CPS1: variants seen among roughly 807,000 people sequenced by gnomAD.
CPS1 encodes the protein carbamoyl-phosphate synthase [ammonia], mitochondrial.
Under a neutral mutation model 174.6 loss-of-function variants are expected in CPS1, and 109 were observed. The observed-to-expected ratio is 0.62, with a 90% CI of 0.53 to 0.73. CPS1 has a LOEUF of 0.73. CPS1 is among the 30% of genes least tolerant of loss of function. The pLI is 0.00. For synonymous variants in CPS1, 637 were observed against 632.0 expected (o/e 1.01, Z -0.12); for missense variants, 1,689 against 1,821.9 (o/e 0.93, Z 1.33).
At chr2:210,480,398 T>A (rs528531631) in intron 1 of CPS1, among the ~76,000 whole-genome samples, 7 of 152,214 alleles carry the variant, frequency 4.6e-5, no homozygotes, top group Non-Finnish European at 7.3e-5. Context: ...AGACTGACTT[T>A]GGTGGACAGT....
rs1337866726 is a variant in CPS1 at position 210,606,805 on chromosome 2, A to G, written c.2056A>G (p.Asn686Asp). The G allele has an allele frequency of 6.2e-7, 1 of 1,612,492 alleles. No individual in the cohort carries two copies. Among genetic ancestry groups the G allele is most frequent in the Non-Finnish European group, 8.5e-7 (1 of 1,179,128 alleles). Residue 686 changes from asparagine to aspartate, a missense_variant, in exon 18 of 38, where the codon AAT becomes GAT. Transcript: ENST00000233072. Reference sequence around the variant, plus strand: ...TCAGATGTTGAGACGTACTTCAATCAATGTTGTTCGCCACTTGGGCATTGT... The same window carrying G: ...TCAGATGTTGAGACGTACTTCAATCGATGTTGTTCGCCACTTGGGCATTGT... ...EFQMLRRTSINVVRHLGIVGE... is the reference protein window; with the variant it reads ...EFQMLRRTSIDVVRHLGIVGE...
At chr2:210,573,671 G>A (rs184895400) in intron 2 of CPS1, among the ~76,000 whole-genome samples, 4 of 152,100 alleles carry the variant, frequency 2.6e-5, no homozygotes, top group African/African-American at 7.2e-5. Flanking sequence ...TAGAAACTTA[G>A]GTTGTGAGGA....
intron 1 of CPS1, among the ~76,000 whole-genome samples, chr2:210,533,547 C>T (rs534442879): frequency 6.6e-6 from 1 of 152,216 alleles, no homozygotes; most frequent in East Asian, 1.9e-4. Context: ...AAGTCAGGCT[C>T]TCGAGTCTGT....
chr2:210,514,013 G>C (rs1233205229), intron 1 of CPS1, among the ~76,000 whole-genome samples: 1 of 151,822 alleles, frequency 6.6e-6, no homozygotes, highest in Non-Finnish European at 1.5e-5. Context: ...CACTGTTTCT[G>C]GGCTCTCTAT....
Position 210,641,803 on chromosome 2 carries a change from A to T in CPS1, c.2960-681A>T, listed in dbSNP as rs546735076. On this transcript the variant is annotated intron_variant, in intron 24 of 37. Transcript: ENST00000233072. ...GTGTTTTCACAAGAATTTTTAGAAG[A>T]CAATATCTTAATGCAAAGAATTAGT... is the stretch of plus-strand genomic sequence containing the variant. 2.6e-5 allele frequency among the ~76,000 whole-genome samples: 4 copies of T among 152,358 alleles called. No homozygotes were observed. The East Asian group carries it at 7.7e-4, about 29-fold the overall frequency.
intron 1 of CPS1, among the ~76,000 whole-genome samples, chr2:210,568,971 C>T (rs921842138): frequency 1.3e-5 from 2 of 151,474 alleles, no homozygotes; most frequent in African/African-American, 2.4e-5. Flanking sequence ...TTTTTTTCTA[C>T]TATAACTTTT....
chr2:210,598,029 C>A (rs1334959567), intron 13 of CPS1, among the ~76,000 whole-genome samples: 1 of 151,772 alleles, frequency 6.6e-6, no homozygotes, highest in African/African-American at 2.4e-5. Context: ...GCACATTATT[C>A]TGCATTTTAA....
intron 1 of CPS1, among the ~76,000 whole-genome samples, chr2:210,502,382 T>A (rs1168496351): frequency 6.1e-5 from 9 of 146,890 alleles, no homozygotes; most frequent in Non-Finnish European, 9.0e-5. Context: ...TATATATATT[T>A]TTTTATATAT....
chr2:210,561,845 T>G (rs1416137054), intron 1 of CPS1, among the ~76,000 whole-genome samples: 1 of 152,212 alleles, frequency 6.6e-6, no homozygotes, highest in Non-Finnish European at 1.5e-5. Flanking sequence ...TTTTTTCAAC[T>G]TGTTAAATGC....
chr2:210,646,456 G>A (rs1474275243), intron 25 of CPS1, among the ~76,000 whole-genome samples: 11 of 152,170 alleles, frequency 7.2e-5, no homozygotes, highest in African/African-American at 1.2e-4. Flanking sequence ...ACACAGTACC[G>A]TAATTGCTCT....
At chr2:210,511,385 G>A (rs1484837385) in intron 1 of CPS1, among the ~76,000 whole-genome samples, 2 of 152,072 alleles carry the variant, frequency 1.3e-5, no homozygotes, top group Non-Finnish European at 2.9e-5. Flanking sequence ...CCTGTTGTGG[G>A]GTGGGGGTAG....
intron 13 of CPS1, among the ~76,000 whole-genome samples, chr2:210,596,491 AG>A (rs1472455297): frequency 2.0e-5 from 3 of 151,950 alleles, no homozygotes; most frequent in Admixed American, 6.6e-5. Flanking sequence ...CTATAGTCAA[AG>A]ATTTTCACCT....
chr2:210,556,691 A>C lies in CPS1; in HGVS notation c.-43A>C. The C allele has an allele frequency of 6.2e-7, 1 of 1,609,250 alleles. No individual in the cohort carries two copies. Among genetic ancestry groups the C allele is most frequent in the Non-Finnish European group, 8.5e-7 (1 of 1,177,830 alleles). ...AAAAGTCTTATCACACAATCTCATA[A>C]AATTTATGTAATTTCATTTAATTTT... is the stretch of plus-strand genomic sequence containing the variant. On this transcript the variant is annotated 5_prime_UTR_variant, in exon 1 of 38. Coordinates refer to ENST00000233072, the MANE Select transcript of CPS1 (RefSeq NM_001875.5).
At chr2:210,558,901 A>G (rs963755719) in intron 1 of CPS1, among the ~76,000 whole-genome samples, 5 of 152,094 alleles carry the variant, frequency 3.3e-5, no homozygotes, top group African/African-American at 1.2e-4. Flanking sequence ...CCATCATTTC[A>G]TGGTGTAAAA....
intron 21 of CPS1, among the ~76,000 whole-genome samples, chr2:210,623,165 A>G (rs1263116971): frequency 6.6e-6 from 1 of 152,042 alleles, no homozygotes; most frequent in African/African-American, 2.4e-5. Context: ...TCAATGGTCC[A>G]TTTTGCTCTC....
intron 1 of CPS1, among the ~76,000 whole-genome samples, chr2:210,491,322 T>TTTTTTTG (rs1694870757): frequency 2.3e-5 from 3 of 128,416 alleles, no homozygotes; most frequent in African/African-American, 9.0e-5. Context: ...TTTTTTTTTT[T>TTTTTTTG]TTTTTTTTTT....
chr2:210,509,372 G>A (rs1269499679), intron 1 of CPS1, among the ~76,000 whole-genome samples: 6 of 152,116 alleles, frequency 3.9e-5, no homozygotes, highest in Admixed American at 2.6e-4. Context: ...GTATTGATGG[G>A]ACATATCTCA....
At chr2:210,580,792 C>T (rs1478357492) in intron 5 of CPS1, among the ~76,000 whole-genome samples, 2 of 148,750 alleles carry the variant, frequency 1.3e-5, no homozygotes, top group South Asian at 4.2e-4. Context: ...ACCCGGGAGG[C>T]GGAGGTTGCA....
intron 35 of CPS1, 51 bp downstream of exon 35, chr2:210,675,012 A>G (rs1189555657): frequency 7.2e-7 from 1 of 1,381,836 alleles, no homozygotes; most frequent in Non-Finnish European, 1.0e-6. Flanking sequence ...ATCTGTCCAC[A>G]AATCAAAATA....
Sources: allele counts gnomAD v4.1 joint callset (sites outside exome capture counted in the v4.1 genomes callset), GRCh38; gene constraint gnomAD v4.1.1; transcripts MANE v1.5; gene names NCBI Gene and HGNC (gene_info 2026-07-23, HGNC 2026-07-21).